PPP2R5A: variants seen among roughly 807,000 people sequenced by gnomAD.
The protein encoded by PPP2R5A is protein phosphatase 2 regulatory subunit B'alpha.
Under a neutral mutation model 64.2 loss-of-function variants are expected in PPP2R5A, and 25 were observed. That is an observed-to-expected ratio of 0.39 (90% CI 0.28 to 0.54). PPP2R5A has a LOEUF of 0.54. Ranked by LOEUF, PPP2R5A falls within the 20% of genes least tolerant of loss-of-function variation. PPP2R5A has a pLI of 0.67. For synonymous variants in PPP2R5A, 198 were observed against 201.2 expected (o/e 0.98, Z 0.13); for missense variants, 425 against 576.3 (o/e 0.74, Z 2.69).
chr1:212,321,408 G>A (rs1371644786), intron 1 of PPP2R5A, among the ~76,000 whole-genome samples: 5 of 149,358 alleles, frequency 3.3e-5, no homozygotes, highest in Admixed American at 6.7e-5. Context: ...GCTGCCAGGC[G>A]GAGACGCTCC....
At chr1:212,358,255 T>C (rs1294692668) in intron 11 of PPP2R5A, 2 of 153,448 alleles carry the variant, frequency 1.3e-5, no homozygotes, top group African/African-American at 4.8e-5. Flanking sequence ...CCTCTATAAA[T>C]GGCACTGTCC....
intron 8 of PPP2R5A, 22 bp from the exon 9 acceptor site, chr1:212,356,604 C>T: frequency 6.2e-7 from 1 of 1,604,996 alleles, no homozygotes; most frequent in Non-Finnish European, 8.5e-7. Flanking sequence ...TAAATTCATG[C>T]TAAACTTTTT....
In PPP2R5A at chr1:212,322,758, T is replaced by TATTTA. The variant is rs1171911265; in HGVS notation, c.182-6376_182-6372dup. Among the ~76,000 whole-genome samples, 4 of 82,890 alleles carry TATTTA rather than the reference T, an allele frequency of 4.8e-5. No individual in the cohort carries two copies. The East Asian group carries it at 1.7e-3, about 35-fold the overall frequency. The allele number at this position is 82,890 out of a possible 152,430, so 54.4% of individuals were successfully genotyped here. On this transcript the variant is annotated intron_variant, in intron 1 of 12. Coordinates refer to ENST00000261461, the MANE Select transcript of PPP2R5A (RefSeq NM_006243.4). Reference sequence around the variant, plus strand: ...TCTTGCATTTAATTAATTCTCATTTTATTTATTTATTTATTTATTTATTTA... The same window carrying TATTTA: ...TCTTGCATTTAATTAATTCTCATTTTATTTAATTTATTTATTTATTTATTTATTTA...
intron 3 of PPP2R5A, among the ~76,000 whole-genome samples, chr1:212,335,482 A>AG (rs386369556): frequency 6.6e-6 from 1 of 151,986 alleles, no homozygotes; most frequent in Non-Finnish European, 1.5e-5. Context: ...GCTCAAAAAA[A>AG]AAAAAAGAAA....
At chr1:212,354,811 T>A (rs1659950388) in intron 8 of PPP2R5A, among the ~76,000 whole-genome samples, 1 of 152,202 alleles carries the variant, frequency 6.6e-6, no homozygotes, top group Non-Finnish European at 1.5e-5. Context: ...ATTTTTACTG[T>A]ACCTTTCGTG....
Position 212,339,778 on chromosome 1 carries a change from G to C in PPP2R5A, c.481-2410G>C, listed in dbSNP as rs371980626. ...CTCCCATAGGACAGGCTATTACTCT[G>C]AAAACTATTAAGCCTTAAACCCTAT... On this transcript the variant is annotated intron_variant, in intron 3 of 12. Coordinates refer to ENST00000261461, the MANE Select transcript of PPP2R5A (RefSeq NM_006243.4). 3.9e-5 allele frequency among the ~76,000 whole-genome samples: 6 copies of C among 152,206 alleles called. No homozygotes were observed. In the South Asian group the frequency reaches 8.3e-4, roughly 21 times the overall value.
intron 1 of PPP2R5A, among the ~76,000 whole-genome samples, chr1:212,311,301 T>A (rs1659026030): frequency 6.6e-6 from 1 of 152,126 alleles, no homozygotes; most frequent in Non-Finnish European, 1.5e-5. Flanking sequence ...ACCCCGTCTC[T>A]ACTAAAAATA....
chr1:212,322,259 G>C (rs1213860630), intron 1 of PPP2R5A, among the ~76,000 whole-genome samples: 1 of 117,178 alleles, frequency 8.5e-6, no homozygotes, highest in East Asian at 2.2e-4. Flanking sequence ...GAGAGGGAGA[G>C]GGAGAGGAGG....
chr1:212,323,742 C>A (rs965055012), intron 1 of PPP2R5A, among the ~76,000 whole-genome samples: 2 of 152,104 alleles, frequency 1.3e-5, no homozygotes, highest in Admixed American at 6.5e-5. Context: ...AGAGGAGACC[C>A]AGGAGTTAGG....
chr1:212,326,752 G>A (rs1319895091), intron 1 of PPP2R5A, among the ~76,000 whole-genome samples: 1 of 152,182 alleles, frequency 6.6e-6, no homozygotes, highest in African/African-American at 2.4e-5. Flanking sequence ...AACAGGAAAT[G>A]TTAATACAAG....
chr1:212,317,104 TCTA>T (rs1659168247), intron 1 of PPP2R5A, among the ~76,000 whole-genome samples: 1 of 152,226 alleles, frequency 6.6e-6, no homozygotes. Context: ...CCCTTTTTAT[TCTA>T]GGACTTGACT....
intron 3 of PPP2R5A, 98 bp from the exon 4 acceptor site, chr1:212,342,088 ACT>A (rs1226367497): frequency 6.9e-7 from 1 of 1,445,922 alleles, no homozygotes; most frequent in African/African-American, 1.4e-5. Flanking sequence ...AAATCTCCCC[ACT>A]AAGTTGGTAA....
rs770071230 is a variant in PPP2R5A at position 212,357,297 on chromosome 1, T to C, written c.1226+13T>C. 1.0e-5 allele frequency: 16 copies of C among 1,547,014 alleles called. No homozygotes were observed. Among genetic ancestry groups the C allele is most frequent in the Admixed American group, 9.2e-5 (4 of 43,654 alleles). On this transcript the variant is annotated intron_variant, in intron 11 of 12. Coordinates refer to ENST00000261461, the MANE Select transcript of PPP2R5A (RefSeq NM_006243.4). ...AACACTGGAATCCGTAAGTATCTTT[T>C]ATATAGGTCGTATTTTTTTCTTTTT...
intron 1 of PPP2R5A, among the ~76,000 whole-genome samples, chr1:212,290,718 T>C (rs1658585662): frequency 6.6e-6 from 1 of 152,218 alleles, no homozygotes; most frequent in African/African-American, 2.4e-5. Flanking sequence ...TTATGAAGTG[T>C]CTAACTGAAT....
intron 11 of PPP2R5A, 32 bp downstream of exon 11, chr1:212,357,316 T>C (rs78480651): frequency 4.7e-6 from 7 of 1,484,666 alleles, no homozygotes; most frequent in Non-Finnish European, 4.5e-6. Flanking sequence ...CGTATTTTTT[T>C]CTTTTTTTTT....
Position 212,348,425 on chromosome 1 carries a change from A to G in PPP2R5A, c.801A>G (p.Glu267=), listed in dbSNP as rs752892637. The change falls in exon 7 of 13, where the codon GAA becomes GAG. Residue 267 remains glutamate, a synonymous_variant. Coordinates refer to ENST00000261461, the MANE Select transcript of PPP2R5A (RefSeq NM_006243.4). ...INGFALPLKA[E]HKQFLMKVLI... ...GCTTTGCATTGCCACTGAAAGCAGAACATAAACAATTTCTAATGAAGGTTC... is the reference window on the plus strand; with the variant it reads ...GCTTTGCATTGCCACTGAAAGCAGAGCATAAACAATTTCTAATGAAGGTTC... 1 of 1,611,110 alleles carries G rather than the reference A, an allele frequency of 6.2e-7. No homozygotes were observed. The highest frequency in any genetic ancestry group is 8.5e-7 in the Non-Finnish European group (1 of 1,177,958).
intron 9 of PPP2R5A, 132 bp from the exon 10 acceptor site, chr1:212,356,818 T>C: frequency 1.6e-6 from 2 of 1,260,844 alleles, no homozygotes; most frequent in South Asian, 3.1e-5. Flanking sequence ...ACCTGTGCTA[T>C]AGTAAACTCT....
At position 212,349,212 on chromosome 1, in the gene PPP2R5A, C is replaced by A. The variant is rs1659834379; in HGVS notation, c.897C>A (p.Phe299Leu). Residue 299 changes from phenylalanine (F) to leucine (L), a missense_variant, in exon 8 of 13, where the codon TTC (phenylalanine) becomes TTA (leucine). Coordinates refer to ENST00000261461, the MANE Select transcript of PPP2R5A (RefSeq NM_006243.4). ...HAQLAYCVVQ[F>L]LEKDTTLTEP... is the part of the protein sequence containing the mutation. The stretch of plus-strand genomic sequence containing the variant: ...AGCTAGCATATTGTGTTGTACAGTT[C>A]CTGGAGAAAGATACAACACTAACAG... 2 of 1,577,786 alleles carry A rather than the reference C, an allele frequency of 1.3e-6. No homozygotes were observed. Among genetic ancestry groups the A allele is most frequent in the African/African-American group, 1.3e-5 (1 of 74,080 alleles).
chr1:212,348,862 ATAT>A (rs917148871), intron 7 of PPP2R5A, among the ~76,000 whole-genome samples: 5 of 152,186 alleles, frequency 3.3e-5, no homozygotes, highest in Non-Finnish European at 5.9e-5. Context: ...AGAGAATAAT[ATAT>A]CAGCATAGGT....
Sources: gnomAD v4.1 joint callset for allele counts (sites outside exome capture counted in the v4.1 genomes callset) on GRCh38, gnomAD v4.1.1 for gene constraint, MANE v1.5 for transcripts, NCBI Gene and HGNC (gene_info 2026-07-23, HGNC 2026-07-21) for gene names.